Variants in OSBP2 observed in about 807,000 individuals in gnomAD.
OSBP2 encodes the protein oxysterol binding protein 2, also known as oxysterol-binding protein 2.
In OSBP2, 66 loss-of-function variants were observed where a neutral mutation model predicts 96.0. The observed-to-expected ratio is 0.69, with a 90% CI of 0.56 to 0.84. OSBP2 has a LOEUF of 0.84. Ranked by LOEUF, OSBP2 falls within the 40% of genes least tolerant of loss-of-function variation. The probability of loss-of-function intolerance (pLI) is 0.00; values close to 1 mark genes in which losing one functional copy is unlikely to be tolerated. For synonymous variants in OSBP2, 525 were observed against 520.9 expected (o/e 1.01, Z -0.11); for missense variants, 1,038 against 1,222.7 (o/e 0.85, Z 2.25).
intron 1 of OSBP2, among the ~76,000 whole-genome samples, chr22:30,699,796 A>C (rs187371238): frequency 6.6e-6 from 1 of 152,284 alleles, no homozygotes; most frequent in East Asian, 1.9e-4. Flanking sequence ...ACATTTTACC[A>C]ATAGTTGGGC....
At chr22:30,859,532 T>C (rs1602370698) in intron 2 of OSBP2, among the ~76,000 whole-genome samples, 1 of 152,218 alleles carries the variant, frequency 6.6e-6, no homozygotes, top group Non-Finnish European at 1.5e-5. Flanking sequence ...AGCCCGTTGG[T>C]AGGGCCAGTG....
chr22:30,738,378 G>C (rs2089886533), intron 1 of OSBP2, among the ~76,000 whole-genome samples: 1 of 151,904 alleles, frequency 6.6e-6, no homozygotes, highest in African/African-American at 2.4e-5. Context: ...AAAGTGTCAG[G>C]CTCCCAACAG....
chr22:30,838,670 C>T lies in OSBP2; in HGVS notation c.854-31759C>T, dbSNP rs367627200. ...CCTAGTTTTCTGAGAGATTTTATGA[C>T]GAAGAGATGTTTAATTTTGCCCAGT... On this transcript the variant is annotated intron_variant, in intron 2 of 13. Coordinates refer to ENST00000332585, the MANE Select transcript of OSBP2 (RefSeq NM_030758.4). Among the ~76,000 whole-genome samples, 18 of 152,086 alleles carry T rather than the reference C, an allele frequency of 1.2e-4. No homozygotes were observed. The East Asian group carries it at 1.4e-3, about 11-fold the overall frequency.
At chr22:30,892,965 C>T (rs2039980750) in intron 8 of OSBP2, among the ~76,000 whole-genome samples, 157 bp from the exon 9 acceptor site, 1 of 152,168 alleles carries the variant, frequency 6.6e-6, no homozygotes, top group Non-Finnish European at 1.5e-5. Flanking sequence ...TGGGGGCCTG[C>T]CTTGGGTCCA....
intron 2 of OSBP2, among the ~76,000 whole-genome samples, chr22:30,833,299 C>CT (rs887431877): frequency 6.6e-6 from 1 of 152,074 alleles, no homozygotes; most frequent in African/African-American, 2.4e-5. Flanking sequence ...TAATTCATGA[C>CT]TTTTTTTTCC....
chr22:30,733,207 C>T lies in OSBP2; in HGVS notation c.645-7954C>T, dbSNP rs1043929549. Among the ~76,000 whole-genome samples the T allele has an allele frequency of 7.2e-5, 11 of 152,022 alleles. No homozygotes were observed. In the East Asian group the frequency reaches 7.7e-4, roughly 11 times the overall value. On this transcript the variant is annotated intron_variant, in intron 1 of 13. Coordinates refer to ENST00000332585, the MANE Select transcript of OSBP2 (RefSeq NM_030758.4). ...TGGTAGATCGGGCACTCAGTGGAGC[C>T]GCGAGATGAGCCTTGGTGCTGGGGA...
At chr22:30,863,929 A>G (rs905371607) in intron 2 of OSBP2, among the ~76,000 whole-genome samples, 12 of 150,712 alleles carry the variant, frequency 8.0e-5, no homozygotes, top group Admixed American at 2.0e-4. Context: ...GAAATAAGCA[A>G]GTTCTGAGCC....
chr22:30,829,418 G>A (rs1304499687), intron 2 of OSBP2, among the ~76,000 whole-genome samples: 4 of 152,136 alleles, frequency 2.6e-5, no homozygotes, highest in East Asian at 1.9e-4. Flanking sequence ...TCAGCCTCCC[G>A]AGTAGCTGGG....
rs762505623 is a variant in OSBP2 at position 30,887,504 on chromosome 22, C to T, written c.1186C>T (p.Arg396Cys). The T allele has an allele frequency of 4.2e-5, 67 of 1,613,626 alleles. No individual in the cohort carries two copies. The highest frequency in any genetic ancestry group is 1.2e-4 in the Admixed American group (7 of 60,010). The change falls in exon 4 of 14, where the codon CGC (arginine) becomes TGC (cysteine). Residue 396 changes from arginine to cysteine, a missense_variant. Physicochemically the swap from Arg to Cys is radical, Grantham distance 180. This residue lies in a region of OSBP2 where 737 missense variants were observed against 913.3 expected (regional missense o/e 0.81). Transcript: ENST00000332585. Reference protein sequence around the residue: ...QRALQYEQEQRVHLEETIEQL... With the variant: ...QRALQYEQEQCVHLEETIEQL... ...GGCACTGCAGTATGAGCAGGAGCAG[C>T]GCGTGCACTTGGAGGAAACCATTGA...
intron 2 of OSBP2, among the ~76,000 whole-genome samples, chr22:30,811,752 A>G (rs1044496213): frequency 2.0e-5 from 3 of 151,586 alleles, no homozygotes; most frequent in Admixed American, 1.3e-4. Context: ...ACGGGGTTTC[A>G]CCATGTTGGC....
At chr22:30,815,856 C>T (rs1042561703) in intron 2 of OSBP2, among the ~76,000 whole-genome samples, 2 of 152,018 alleles carry the variant, frequency 1.3e-5, no homozygotes, top group Admixed American at 6.5e-5. Context: ...TTATAGCTGT[C>T]GAGCATTTGA....
rs577902804 is a variant in OSBP2 at position 30,871,036 on chromosome 22, C to T, written c.1107+354C>T. 7.2e-5 allele frequency among the ~76,000 whole-genome samples: 11 copies of T among 152,288 alleles called. No homozygotes were observed. In the East Asian group the frequency reaches 1.9e-3, roughly 27 times the overall value. ...GCCCACACAGTAGGGACACAGCTGCCACACTGGCCCTCGGTGGCTGCTACT... is the reference window on the plus strand; with the variant it reads ...GCCCACACAGTAGGGACACAGCTGCTACACTGGCCCTCGGTGGCTGCTACT... On this transcript the variant is annotated intron_variant, in intron 3 of 13. Transcript: ENST00000332585. This position sits in a 1 kb window ranked among gnomAD's most constrained non-coding sequence, Gnocchi z 4.7.
At chr22:30,772,571 C>T (rs1477390676) in intron 2 of OSBP2, among the ~76,000 whole-genome samples, 1 of 152,180 alleles carries the variant, frequency 6.6e-6, no homozygotes, top group Non-Finnish European at 1.5e-5. Flanking sequence ...CAGAAGCCCT[C>T]AAGTCCTACC....
chr22:30,778,169 C>CTTTTTTTTTTTTTT (rs1569119423), intron 2 of OSBP2, among the ~76,000 whole-genome samples: 2,643 of 123,894 alleles, frequency 0.021, 417 homozygotes, highest in Non-Finnish European at 0.029. Context: ...TAATTTTTGC[C>CTTTTTTTTTTTTTT]CTTTTTTTTT....
chr22:30,805,485 T>C (rs2090916248), intron 2 of OSBP2, among the ~76,000 whole-genome samples: 1 of 152,236 alleles, frequency 6.6e-6, no homozygotes, highest in Non-Finnish European at 1.5e-5. Flanking sequence ...TTGTATGCCA[T>C]GATTTAACCT....
At position 30,888,313 on chromosome 22, in the gene OSBP2, C is replaced by A. The variant is rs1602419517; in HGVS notation, c.1391C>A (p.Thr464Asn). The change falls in exon 5 of 14, where the codon ACC becomes AAC. Residue 464 changes from threonine (T) to asparagine (N), a missense_variant. By Grantham distance (65) the Thr-to-Asn change is moderately conservative (BLOSUM62 0). This residue lies in a region of OSBP2 where 737 missense variants were observed against 913.3 expected (regional missense o/e 0.81). Transcript: ENST00000332585. The part of the protein sequence containing the change: ...DAMEDSTSFI[T>N]VITEAKEDSR... ...ATGGAAGACTCCACATCCTTCATCACCGTGATCACCGAGGCCAAGGAAGAC... is the reference window on the plus strand; with the variant it reads ...ATGGAAGACTCCACATCCTTCATCAACGTGATCACCGAGGCCAAGGAAGAC... 6.2e-7 allele frequency: 1 copy of A among 1,612,812 alleles called. No homozygotes were observed. The highest frequency in any genetic ancestry group is 2.2e-5 in the East Asian group (1 of 44,878).
rs2039936979 is a variant in OSBP2 at position 30,891,026 on chromosome 22, T to C, written c.1869+53T>C. 3 of 1,570,828 alleles carry C rather than the reference T, an allele frequency of 1.9e-6. No homozygotes were observed. The Admixed American group carries it at 5.1e-5, about 27-fold the overall frequency. ...GCGCCCACCCACACTCTGGCCAAGC[T>C]GTTCCTGCCAGGCCCAAGGTGACAA... On this transcript the variant is annotated intron_variant, in intron 8 of 13. Coordinates refer to ENST00000332585, the MANE Select transcript of OSBP2 (RefSeq NM_030758.4).
chr22:30,829,410 A>G (rs2038475261), intron 2 of OSBP2, among the ~76,000 whole-genome samples: 1 of 152,144 alleles, frequency 6.6e-6, no homozygotes, highest in South Asian at 2.1e-4. Context: ...CTCCTGCATC[A>G]GCCTCCCGAG....
At chr22:30,841,249 C>T (rs1029867525) in intron 2 of OSBP2, among the ~76,000 whole-genome samples, 1 of 152,102 alleles carries the variant, frequency 6.6e-6, no homozygotes, top group African/African-American at 2.4e-5. Flanking sequence ...GGCAAACCAT[C>T]GTTACACTCA....
Sources: gnomAD v4.1 joint callset for allele counts (sites outside exome capture counted in the v4.1 genomes callset) on GRCh38, gnomAD v4.1.1 for gene constraint, gnomAD v4.1.1 regional missense constraint, Gnocchi (gnomAD v3.1) non-coding constraint, MANE v1.5 for transcripts, NCBI Gene and HGNC (gene_info 2026-07-23, HGNC 2026-07-21) for gene names.